Variants in RSF1 observed in about 807,000 individuals in gnomAD.
RSF1 encodes remodeling and spacing factor 1.
Under a neutral mutation model 145.2 loss-of-function variants are expected in RSF1, and 13 were observed. The observed-to-expected ratio is 0.09, with a 90% confidence interval of 0.06 to 0.14. The LOEUF is 0.14. Among genes scored for constraint, RSF1 ranks in the 10% least tolerant of loss-of-function variants. The pLI is 1.00. For synonymous variants in RSF1, 577 were observed against 592.6 expected, an observed-to-expected ratio of 0.97 and a Z score of 0.38; for missense variants, 1,517 against 1,718.2, an observed-to-expected ratio of 0.88 and a Z score of 2.07.
chr11:77,805,156 C>CT (rs546156865), intron 1 of RSF1, among the ~76,000 whole-genome samples: 121 of 152,086 alleles, frequency 8.0e-4, no homozygotes, highest in Middle Eastern at 6.8e-3. Flanking sequence ...TTACAACAAC[C>CT]TTTTTTTTGC....
chr11:77,753,688 T>C (rs986960600), intron 2 of RSF1, among the ~76,000 whole-genome samples: 9 of 152,246 alleles, frequency 5.9e-5, no homozygotes, highest in East Asian at 1.9e-4. Context: ...AGCCAAAAGA[T>C]TGGACTCCCC....
intron 5 of RSF1, among the ~76,000 whole-genome samples, chr11:77,713,132 T>A (rs1035954398): frequency 6.6e-6 from 1 of 152,236 alleles, no homozygotes; most frequent in Non-Finnish European, 1.5e-5. Context: ...TATGCAGGTA[T>A]ACTAACTCAT....
intron 9 of RSF1, among the ~76,000 whole-genome samples, chr11:77,685,377 C>A (rs1959976568): frequency 6.6e-6 from 1 of 152,170 alleles, no homozygotes; most frequent in Non-Finnish European, 1.5e-5. Flanking sequence ...CTCACTGCAA[C>A]CTCTACTTCC....
At chr11:77,844,883 G>C in the RSF1 span, among the ~76,000 whole-genome samples, 8 of 152,120 alleles carry the variant, frequency 5.3e-5, no homozygotes, top group Non-Finnish European at 1.2e-4. Flanking sequence ...GTTGGATATA[G>C]ATTTCTTTGA....
the RSF1 span, chr11:77,870,075 A>G: frequency 1.3e-5 from 3 of 231,608 alleles, no homozygotes; most frequent in Admixed American, 1.6e-4. Flanking sequence ...TTGGTCCTTT[A>G]TATTTTAATA....
At chr11:77,870,817 T>C in the RSF1 span, among the ~76,000 whole-genome samples, 50 of 152,218 alleles carry the variant, frequency 3.3e-4, no homozygotes, top group Non-Finnish European at 1.2e-4. Context: ...CATATAGATA[T>C]ACGTTTATAT....
At chr11:77,731,309 G>A (rs968489149) in intron 4 of RSF1, among the ~76,000 whole-genome samples, 2 of 152,194 alleles carry the variant, frequency 1.3e-5, no homozygotes, top group African/African-American at 4.8e-5. Context: ...GTATGTGGAG[G>A]AAGAAATTTC....
chr11:77,813,521 T>C (rs1229849859), intron 1 of RSF1: 4 of 775,734 alleles, frequency 5.2e-6, no homozygotes, highest in African/African-American at 1.7e-5. Context: ...TTCGAACTGG[T>C]CCTTTCACTT....
At chr11:77,750,113 T>G (rs1404094099) in intron 2 of RSF1, among the ~76,000 whole-genome samples, 1 of 149,690 alleles carries the variant, frequency 6.7e-6, no homozygotes, top group African/African-American at 2.5e-5. Flanking sequence ...AAAAAAAAAA[T>G]CCACTAATTA....
intron 1 of RSF1, among the ~76,000 whole-genome samples, chr11:77,809,560 G>A (rs1052625570): frequency 1.3e-5 from 2 of 152,118 alleles, no homozygotes; most frequent in Non-Finnish European, 2.9e-5. Context: ...AAGATAGCAA[G>A]GAGAAACCAG....
chr11:77,739,282 C>T lies in RSF1; in HGVS notation c.578+1449G>A, dbSNP rs1249711378. The stretch of plus-strand genomic sequence containing the variant: ...ACAACTATGACTGATCAATAGTAAT[C>T]GTTATTTCACTGTCATATTTTCTTC... On this transcript the variant is annotated intron_variant, in intron 4 of 15. Coordinates refer to ENST00000308488, the MANE Select transcript of RSF1 (RefSeq NM_016578.4). 5.9e-5 allele frequency: 9 copies of T among 152,600 alleles called. No homozygotes were observed. In the East Asian group the frequency reaches 1.2e-3, roughly 20 times the overall value. The allele number at this position is 152,600 out of a possible 1,614,324, so 9.5% of individuals were successfully genotyped here.
intron 1 of RSF1, 88 bp downstream of exon 1, chr11:77,820,440 G>C: frequency 7.3e-7 from 1 of 1,364,164 alleles, no homozygotes; most frequent in Non-Finnish European, 9.9e-7. Context: ...GGAGGCCCGA[G>C]CCGCGAAGAA....
At chr11:77,803,114 C>T (rs1236439046) in intron 1 of RSF1, among the ~76,000 whole-genome samples, 1 of 152,152 alleles carries the variant, frequency 6.6e-6, no homozygotes, top group Non-Finnish European at 1.5e-5. Context: ...CACGTAGTTT[C>T]AGCCCAACCT....
chr11:77,752,230 A>G (rs752414635), intron 2 of RSF1, among the ~76,000 whole-genome samples: 2 of 152,246 alleles, frequency 1.3e-5, no homozygotes, highest in Admixed American at 6.5e-5. Context: ...GAAAGGTTGC[A>G]AGGTGGAATG....
At chr11:77,722,912 C>A (rs1374156440) in intron 5 of RSF1, among the ~76,000 whole-genome samples, 1 of 152,176 alleles carries the variant, frequency 6.6e-6, no homozygotes, top group Non-Finnish European at 1.5e-5. Flanking sequence ...CACAATTAGT[C>A]TCCCTTCAAG....
the RSF1 span, among the ~76,000 whole-genome samples, chr11:77,868,483 C>T: frequency 4.6e-5 from 7 of 151,596 alleles, no homozygotes; most frequent in East Asian, 3.9e-4. Context: ...CTCAGCCTCC[C>T]GAATAGCTGG....
At position 77,702,170 on chromosome 11, in the gene RSF1, A is replaced by C; in HGVS notation, c.1059T>G (p.Phe353Leu). The change falls in exon 6 of 16, where the codon TTT (phenylalanine) becomes TTG (leucine). Residue 353 changes from phenylalanine to leucine, a missense_variant. Physicochemically the swap from Phe to Leu is conservative, Grantham distance 22 (BLOSUM62 0). Coordinates refer to ENST00000308488, the MANE Select transcript of RSF1 (RefSeq NM_016578.4). Reference protein sequence around the residue: ...PVAQEPERIEFGGNIKSSHEI... With the variant: ...PVAQEPERIELGGNIKSSHEI... ...CGTGAGAAGATTTAATATTGCCACC[A>C]AATTCGATCCTTTCAGGCTCCTGTG... 6.2e-7 allele frequency: 1 copy of C among 1,614,084 alleles called. No homozygotes were observed. The highest frequency in any genetic ancestry group is 8.5e-7 in the Non-Finnish European group (1 of 1,179,982).
intron 2 of RSF1, among the ~76,000 whole-genome samples, chr11:77,751,351 A>C (rs1948060772): frequency 6.6e-6 from 1 of 152,214 alleles, no homozygotes; most frequent in Admixed American, 6.5e-5. Context: ...AGCTAGCCCC[A>C]CTTAAGTTCC....
chr11:77,714,229 T>C (rs1960753532), intron 5 of RSF1, among the ~76,000 whole-genome samples: 1 of 152,158 alleles, frequency 6.6e-6, no homozygotes, highest in South Asian at 2.1e-4. Context: ...CTTTGGGTGG[T>C]GAGGATTGAG....
Sources: allele counts gnomAD v4.1 joint callset (sites outside exome capture counted in the v4.1 genomes callset), GRCh38; gene constraint gnomAD v4.1.1; transcripts MANE v1.5; gene names NCBI Gene and HGNC (gene_info 2026-07-23, HGNC 2026-07-21).